CNTN5: variants seen among roughly 807,000 people sequenced by gnomAD.
The protein encoded by CNTN5 is contactin 5.
Under a neutral mutation model 129.1 loss-of-function variants are expected in CNTN5, and 77 were observed. That is an observed-to-expected ratio of 0.60 (90% CI 0.50 to 0.72). The LOEUF (loss-of-function observed/expected upper bound fraction) is 0.72, where lower values mean the gene tolerates loss of function less well. Among genes scored for constraint, CNTN5 ranks in the 30% least tolerant of loss-of-function variants. CNTN5 has a pLI of 0.00. For missense variants in CNTN5, 1,478 were observed against 1,328.8 expected (o/e 1.11, Z -1.75); for synonymous variants, 509 against 465.6 (o/e 1.09, Z -1.20).
intron 6 of CNTN5, among the ~76,000 whole-genome samples, chr11:99,905,061 G>T (rs976145852): frequency 6.6e-6 from 1 of 152,160 alleles, no homozygotes. Context: ...CAGACAGATA[G>T]ATTGCAAAAA....
At chr11:99,591,158 T>C (rs193181327) in intron 3 of CNTN5, among the ~76,000 whole-genome samples, 2 of 152,128 alleles carry the variant, frequency 1.3e-5, no homozygotes, top group Admixed American at 6.5e-5. Flanking sequence ...TGATCTTTTA[T>C]CTTAGGCCCG....
At chr11:100,295,756 T>C (rs1951088278) in intron 18 of CNTN5, among the ~76,000 whole-genome samples, 1 of 151,296 alleles carries the variant, frequency 6.6e-6, no homozygotes, top group African/African-American at 2.4e-5. Flanking sequence ...CAGAAACTTA[T>C]GATCATAGGA....
chr11:99,029,472 A>G (rs1253713088), intron 1 of CNTN5, among the ~76,000 whole-genome samples: 1 of 152,096 alleles, frequency 6.6e-6, no homozygotes, highest in Non-Finnish European at 1.5e-5. Flanking sequence ...GCTTAATAAG[A>G]AACTTAAGGA....
At chr11:99,669,402 A>G (rs1225383626) in intron 3 of CNTN5, among the ~76,000 whole-genome samples, 2 of 152,036 alleles carry the variant, frequency 1.3e-5, no homozygotes, top group South Asian at 2.1e-4. Flanking sequence ...GAAAGCCTAG[A>G]TGAGCAGTTC....
At chr11:99,531,311 C>G (rs1490696387) in intron 2 of CNTN5, among the ~76,000 whole-genome samples, 1 of 152,106 alleles carries the variant, frequency 6.6e-6, no homozygotes, top group African/African-American at 2.4e-5. Flanking sequence ...GGCGGAAGAA[C>G]TTTTTAAGCA....
chr11:99,433,371 A>ATGTG (rs1555143806), intron 2 of CNTN5, among the ~76,000 whole-genome samples: 10 of 140,832 alleles, frequency 7.1e-5, no homozygotes, highest in African/African-American at 8.0e-5. Flanking sequence ...TAAAAAAAAA[A>ATGTG]TGTGTGTGTG....
intron 3 of CNTN5, among the ~76,000 whole-genome samples, chr11:99,781,514 T>C (rs934450524): frequency 6.6e-6 from 1 of 152,058 alleles, no homozygotes; most frequent in Non-Finnish European, 1.5e-5. Context: ...TTGTAGCTAC[T>C]ATACCATTTA....
At chr11:99,311,429 C>T (rs1865111301) in intron 1 of CNTN5, among the ~76,000 whole-genome samples, 1 of 152,094 alleles carries the variant, frequency 6.6e-6, no homozygotes, top group African/African-American at 2.4e-5. Context: ...TTGACCTTAT[C>T]AAATGAGTTG....
rs114694873 is a variant in CNTN5, at chr11:100,245,260, A to C, written c.2006-10500A>C. ...GACTTCCAGGAATAACAGAGGCTAAATCTTTCTTGTTCACATACAACAGGA... is the reference window on the plus strand; with the variant it reads ...GACTTCCAGGAATAACAGAGGCTAACTCTTTCTTGTTCACATACAACAGGA... On this transcript the variant is annotated intron_variant, in intron 16 of 24. Coordinates refer to ENST00000524871, the MANE Select transcript of CNTN5 (RefSeq NM_014361.4). 2.0e-5 allele frequency among the ~76,000 whole-genome samples: 3 copies of C among 152,152 alleles called. 1 individual carries two copies. The highest frequency in any genetic ancestry group is 1.3e-4 in the Admixed American group (2 of 15,262).
chr11:99,706,667 C>A (rs1471268743), intron 3 of CNTN5, among the ~76,000 whole-genome samples: 5 of 151,372 alleles, frequency 3.3e-5, no homozygotes. Flanking sequence ...CACTTTTAAA[C>A]AATATACCTA....
At chr11:100,055,710 T>C (rs11222561) in intron 9 of CNTN5, among the ~76,000 whole-genome samples, 48,515 of 151,448 alleles carry the variant, frequency 0.32, 8,204 homozygotes, top group East Asian at 0.47. Flanking sequence ...CTCTGGCTAC[T>C]TTTAATATAT....
chr11:100,034,092 T>C (rs540976360), intron 9 of CNTN5, among the ~76,000 whole-genome samples: 4 of 152,242 alleles, frequency 2.6e-5, no homozygotes, highest in Non-Finnish European at 2.9e-5. Context: ...TCCTCTCTAC[T>C]GGCTCTTTCT....
At chr11:99,908,785 A>C (rs962073433) in intron 6 of CNTN5, among the ~76,000 whole-genome samples, 10 of 152,136 alleles carry the variant, frequency 6.6e-5, no homozygotes, top group Admixed American at 5.9e-4. Flanking sequence ...TTATCATTTC[A>C]CAAAAGCATT....
At chr11:99,582,014 A>C (rs575593390) in intron 3 of CNTN5, among the ~76,000 whole-genome samples, 3 of 151,970 alleles carry the variant, frequency 2.0e-5, no homozygotes, top group African/African-American at 7.3e-5. Flanking sequence ...CTTTTAGGGC[A>C]GGCCTGGTGG....
intron 1 of CNTN5, among the ~76,000 whole-genome samples, chr11:99,173,987 C>CCT: frequency 7.0e-6 from 1 of 143,378 alleles, no homozygotes; most frequent in African/African-American, 2.6e-5. Flanking sequence ...AAAGAAGAAG[C>CCT]GTCAAAAATG....
At chr11:99,728,949 T>C (rs1046882828) in intron 3 of CNTN5, among the ~76,000 whole-genome samples, 3 of 152,182 alleles carry the variant, frequency 2.0e-5, no homozygotes, top group Non-Finnish European at 4.4e-5. Flanking sequence ...ACATAACTTT[T>C]CATCTTAATG....
At chr11:99,696,674 C>T (rs1395539579) in intron 3 of CNTN5, among the ~76,000 whole-genome samples, 1 of 151,530 alleles carries the variant, frequency 6.6e-6, no homozygotes, top group Non-Finnish European at 1.5e-5. Context: ...GATATTTCCA[C>T]TCTATCATGA....
chr11:100,106,472 C>T (rs77675316), intron 13 of CNTN5, among the ~76,000 whole-genome samples: 289 of 151,486 alleles, frequency 1.9e-3, no homozygotes, highest in African/African-American at 6.9e-3. Context: ...GAAAAGGGAG[C>T]ATTCTGAGGG....
intron 4 of CNTN5, among the ~76,000 whole-genome samples, chr11:99,826,576 A>T (rs866664564): frequency 3.3e-5 from 5 of 152,216 alleles, no homozygotes; most frequent in Non-Finnish European, 5.9e-5. Flanking sequence ...TGAGGAAGTG[A>T]TACTGGATCT....
Sources: gnomAD v4.1 joint callset for allele counts (sites outside exome capture counted in the v4.1 genomes callset) on GRCh38, gnomAD v4.1.1 for gene constraint, MANE v1.5 for transcripts, NCBI Gene and HGNC (gene_info 2026-07-23, HGNC 2026-07-21) for gene names.